Variants in BRD1 observed in about 807,000 individuals in gnomAD.
BRD1 encodes bromodomain-containing protein 1.
BRD1 carries 24 observed loss-of-function variants against 107.7 expected under a neutral mutation model. That is an observed-to-expected ratio of 0.22 (90% CI 0.16 to 0.31). The LOEUF is 0.31. Among genes scored for constraint, BRD1 ranks in the 10% least tolerant of loss-of-function variants. BRD1 has a pLI of 1.00. For missense variants in BRD1, 1,279 were observed against 1,638.6 expected (o/e 0.78, Z 3.79); for synonymous variants, 744 against 686.1 (o/e 1.08, Z -1.32).
At chr22:49,798,432 T>C (rs553562922) in intron 5 of BRD1, 126 bp downstream of exon 5, 266 of 1,477,756 alleles carry the variant, frequency 1.8e-4, no homozygotes, top group African/African-American at 1.1e-3. Context: ...ACAAATACGT[T>C]AAATAAAAAC....
chr22:49,799,518 G>C (rs996851614), intron 3 of BRD1, among the ~76,000 whole-genome samples: 5 of 152,248 alleles, frequency 3.3e-5, no homozygotes, highest in African/African-American at 1.2e-4. Flanking sequence ...GCTGGGAATG[G>C]AGGGAGCGGC....
intron 6 of BRD1, 126 bp from the exon 7 acceptor site, chr22:49,794,420 A>T (rs1442611094): frequency 1.6e-6 from 2 of 1,282,806 alleles, no homozygotes; most frequent in Non-Finnish European, 2.1e-6. Flanking sequence ...AACGAGGCCC[A>T]GGCCCTGCTC....
At chr22:49,777,494 A>G (rs1302304147) in intron 9 of BRD1, among the ~76,000 whole-genome samples, 184 bp downstream of exon 9, 1 of 152,228 alleles carries the variant, frequency 6.6e-6, no homozygotes, top group Non-Finnish European at 1.5e-5. Flanking sequence ...CTTGAATTCT[A>G]TAAAGCAGAT....
At position 49,824,364 on chromosome 22, in the gene BRD1, C is replaced by T. The variant is rs375124545; in HGVS notation, c.-14-33G>A. The T allele has an allele frequency of 8.9e-5, 142 of 1,599,076 alleles. No homozygotes were observed. In the African/African-American group the frequency reaches 9.4e-4, roughly 11 times the overall value. ...GAAGGCAAAAGTAAAGGTAATTCTA[C>T]GCAGGGTGACCAAAGACTCGAGAAA... On this transcript the variant is annotated intron_variant, in intron 1 of 12. Coordinates refer to ENST00000404760, the MANE Select transcript of BRD1 (RefSeq NM_001304808.3). This position sits in a 1 kb window ranked among gnomAD's most constrained non-coding sequence, Gnocchi z 5.9.
intron 7 of BRD1, among the ~76,000 whole-genome samples, chr22:49,791,693 G>C (rs2059437544): frequency 6.6e-6 from 1 of 151,874 alleles, no homozygotes; most frequent in African/African-American, 2.4e-5. Context: ...CCTCTCCACA[G>C]ACCCCCATCT....
At position 49,787,626 on chromosome 22, in the gene BRD1, G is replaced by A; in HGVS notation, c.2621C>T (p.Ala874Val). The part of the protein sequence containing the change: ...AAAASAVAEP[A>V]SDVNRRTSVL... ...AGAAGTGCGTCTGTTTACATCGCTT[G>A]CTGGCTCCGCCACCGCGGAGGCCGC... is the stretch of plus-strand genomic sequence containing the variant. Residue 874 changes from alanine (A) to valine (V), a missense_variant, in exon 8 of 13, where the codon GCA becomes GTA. By Grantham distance (64) the Ala-to-Val change is moderately conservative (BLOSUM62 0). Transcript: ENST00000404760. 1 of 1,551,096 alleles carries A rather than the reference G, an allele frequency of 6.4e-7. No individual in the cohort carries two copies. Among genetic ancestry groups the A allele is most frequent in the Non-Finnish European group, 8.7e-7 (1 of 1,147,170 alleles).
intron 2 of BRD1, chr22:49,806,260 CACA>C (rs1235551063): frequency 2.6e-5 from 4 of 152,338 alleles, no homozygotes; most frequent in African/African-American, 9.6e-5. Flanking sequence ...CTGACCTCAT[CACA>C]ACAAGCCACC....
chr22:49,775,479 G>T, intron 12 of BRD1, 112 bp downstream of exon 12: 1 of 1,083,150 alleles, frequency 9.2e-7, no homozygotes, highest in Non-Finnish European at 1.2e-6. Flanking sequence ...CTTTAGCTGT[G>T]CCAGGGCCCA....
At chr22:49,784,315 C>A (rs1354433722) in intron 8 of BRD1, among the ~76,000 whole-genome samples, 1 of 151,064 alleles carries the variant, frequency 6.6e-6, no homozygotes, top group Non-Finnish European at 1.5e-5. Context: ...GACAAAGACA[C>A]CCCCACGCTC....
chr22:49,780,864 G>A (rs2059193050), intron 8 of BRD1, among the ~76,000 whole-genome samples: 1 of 152,328 alleles, frequency 6.6e-6, no homozygotes, highest in South Asian at 2.1e-4. Flanking sequence ...GGCCCAACGT[G>A]GGGAACCCAG....
intron 5 of BRD1, 88 bp from the exon 6 acceptor site, chr22:49,798,205 C>T: frequency 7.6e-7 from 1 of 1,308,480 alleles, no homozygotes; most frequent in Non-Finnish European, 1.1e-6. Context: ...AACCCACAAG[C>T]CCATCCTATC....
At chr22:49,804,419 A>C in intron 2 of BRD1, 59 bp from the exon 3 acceptor site, 1 of 1,525,374 alleles carries the variant, frequency 6.6e-7, no homozygotes, top group Non-Finnish European at 8.9e-7. Flanking sequence ...TTCATCACAT[A>C]AACTAGAAAT....
intron 12 of BRD1, 121 bp downstream of exon 12, chr22:49,775,470 T>G: frequency 9.8e-7 from 1 of 1,020,760 alleles, no homozygotes; most frequent in Admixed American, 3.1e-5. Context: ...CACCTCCGAC[T>G]TTAGCTGTGC....
rs1046793137 is a variant in BRD1 at position 49,826,252 on chromosome 22, G to A, written c.-15+1245C>T. ...AACCCACTCTCTCCCAGGGAGCCGTGAAGCTCTTCATCGCAACACTTTCTA... is the reference window on the plus strand; with the variant it reads ...AACCCACTCTCTCCCAGGGAGCCGTAAAGCTCTTCATCGCAACACTTTCTA... On this transcript the variant is annotated intron_variant, in intron 1 of 12. Coordinates refer to ENST00000404760, the MANE Select transcript of BRD1 (RefSeq NM_001304808.3). 4.1e-6 allele frequency: 4 copies of A among 985,334 alleles called. No individual in the cohort carries two copies. In the African/African-American group the frequency reaches 7.0e-5, roughly 17 times the overall value. The allele number at this position is 985,334 out of a possible 1,614,324, so 61.0% of individuals were successfully genotyped here. A position where few individuals can be genotyped will look rare whatever the true frequency, so the allele number is the denominator to read the frequency against.
At chr22:49,807,349 G>A (rs2059765798) in intron 2 of BRD1, 1 of 152,156 alleles carries the variant, frequency 6.6e-6, no homozygotes, top group African/African-American at 2.4e-5. Context: ...TAAAAGTCAC[G>A]CTTCCTGACT....
At chr22:49,775,559 C>G in intron 12 of BRD1, 32 bp downstream of exon 12, 2 of 1,418,314 alleles carry the variant, frequency 1.4e-6, no homozygotes, top group Non-Finnish European at 1.9e-6. Context: ...CCACCCCAGC[C>G]GGTCCCCGGA....
chr22:49,824,574 T>A lies in BRD1; in HGVS notation c.-14-243A>T. 7.5e-7 allele frequency: 1 copy of A among 1,335,694 alleles called. No individual in the cohort carries two copies. Among genetic ancestry groups the A allele is most frequent in the Non-Finnish European group, 9.6e-7 (1 of 1,039,086 alleles). The allele number at this position is 1,335,694 out of a possible 1,614,324, so 82.7% of individuals were successfully genotyped here. A position where few individuals can be genotyped will look rare whatever the true frequency, so the allele number is the denominator to read the frequency against. ...AGCCTGAGGAGCCCTCCTGAGCACCTGCGTCCCTACCACCACACACCAGTC... is the reference window on the plus strand; with the variant it reads ...AGCCTGAGGAGCCCTCCTGAGCACCAGCGTCCCTACCACCACACACCAGTC... On this transcript the variant is annotated intron_variant, in intron 1 of 12. Transcript: ENST00000404760. This position sits in a 1 kb window ranked among gnomAD's most constrained non-coding sequence, Gnocchi z 5.9.
intron 7 of BRD1, among the ~76,000 whole-genome samples, chr22:49,791,265 T>C (rs968022486): frequency 3.3e-5 from 5 of 152,200 alleles, no homozygotes; most frequent in Non-Finnish European, 5.9e-5. Context: ...CGGCAGAGCC[T>C]GCGGGAGGGC....
At position 49,824,061 on chromosome 22, in the gene BRD1, C is replaced by G; in HGVS notation, c.257G>C (p.Cys86Ser). 6.2e-7 allele frequency: 1 copy of G among 1,613,938 alleles called. No homozygotes were observed. The highest frequency in any genetic ancestry group is 8.5e-7 in the Non-Finnish European group (1 of 1,180,040). ...GTTTTTGTGACGCTTAGTTCTTAAG[C>G]AGACAGGAGGCCGCTCGCTGTTTTC... ...NKENSERPPV[C>S]LRTKRHKNNR... The change falls in exon 2 of 13, where the codon TGC becomes TCC. Residue 86 changes from cysteine to serine, a missense_variant. This residue lies in a region of BRD1 where 223 missense variants were observed against 263.5 expected (regional missense o/e 0.85). Coordinates refer to ENST00000404760, the MANE Select transcript of BRD1 (RefSeq NM_001304808.3). This position sits in a 1 kb window ranked among gnomAD's most constrained non-coding sequence, Gnocchi z 5.9.
Sources: allele counts gnomAD v4.1 joint callset (sites outside exome capture counted in the v4.1 genomes callset), GRCh38; gene constraint gnomAD v4.1.1; regional missense constraint gnomAD v4.1.1; non-coding constraint Gnocchi (gnomAD v3.1); transcripts MANE v1.5; gene names NCBI Gene and HGNC (gene_info 2026-07-23, HGNC 2026-07-21).